The following SCHIP1 variants were observed in gnomAD, a reference collection of about 807,000 sequenced individuals.
The protein encoded by SCHIP1 is schwannomin-interacting protein 1.
SCHIP1 carries 8 observed loss-of-function variants against 29.7 expected under a neutral mutation model. That is an observed-to-expected ratio of 0.27 (90% confidence interval 0.16 to 0.49). The LOEUF is 0.49. Ranked by LOEUF, SCHIP1 falls within the 20% of genes least tolerant of loss-of-function variation. The probability of loss-of-function intolerance (pLI) is 0.99; values close to 1 mark genes in which losing one functional copy is unlikely to be tolerated. For missense variants in SCHIP1, 193 were observed against 294.6 expected, an observed-to-expected ratio of 0.66 and a Z score of 2.52; for synonymous variants, 76 against 94.9, an observed-to-expected ratio of 0.80 and a Z score of 1.16.
the SCHIP1 span, among the ~76,000 whole-genome samples, chr3:159,717,050 G>A: frequency 4.6e-5 from 7 of 152,202 alleles, no homozygotes; most frequent in East Asian, 5.8e-4. Flanking sequence ...TCAGACCACA[G>A]TGCAATCAAA....
At chr3:159,596,401 A>G in the SCHIP1 span, among the ~76,000 whole-genome samples, 39 of 152,292 alleles carry the variant, frequency 2.6e-4, no homozygotes, top group African/African-American at 9.4e-4. Flanking sequence ...CGATTCCTCA[A>G]GGTTCTAGAA....
At chr3:159,413,741 C>A in the SCHIP1 span, among the ~76,000 whole-genome samples, 2 of 152,192 alleles carry the variant, frequency 1.3e-5, no homozygotes, top group African/African-American at 4.8e-5. Context: ...GCTCTTCCAA[C>A]TCTAAAATCC....
At chr3:159,653,144 T>C in the SCHIP1 span, among the ~76,000 whole-genome samples, 1 of 152,084 alleles carries the variant, frequency 6.6e-6, no homozygotes. Flanking sequence ...TTGGTGGGAG[T>C]ATAAATTAGT....
chr3:159,555,429 T>C, the SCHIP1 span, among the ~76,000 whole-genome samples: 1 of 152,246 alleles, frequency 6.6e-6, no homozygotes, highest in Non-Finnish European at 1.5e-5. Flanking sequence ...TGAAAGCATC[T>C]ACTTCTTAAA....
the SCHIP1 span, among the ~76,000 whole-genome samples, chr3:159,828,432 T>A: frequency 1.6e-5 from 1 of 61,568 alleles, no homozygotes; most frequent in Non-Finnish European, 3.4e-5. Flanking sequence ...TATATATACG[T>A]ATATATACGT....
At chr3:159,628,716 T>C in the SCHIP1 span, among the ~76,000 whole-genome samples, 1 of 152,104 alleles carries the variant, frequency 6.6e-6, no homozygotes, top group Non-Finnish European at 1.5e-5. Flanking sequence ...ACATAGCTAT[T>C]AACAGGCATT....
chr3:159,617,571 G>T, the SCHIP1 span, among the ~76,000 whole-genome samples: 2 of 152,102 alleles, frequency 1.3e-5, no homozygotes, highest in African/African-American at 4.8e-5. Flanking sequence ...CTACCTGGGA[G>T]ATTTTATCTG....
the SCHIP1 span, among the ~76,000 whole-genome samples, chr3:159,828,010 T>A: frequency 6.6e-6 from 1 of 151,962 alleles, no homozygotes; most frequent in Admixed American, 6.6e-5. Flanking sequence ...AGACCTTCAA[T>A]TGAAATCTAA....
At chr3:159,641,481 G>A in the SCHIP1 span, among the ~76,000 whole-genome samples, 4 of 152,220 alleles carry the variant, frequency 2.6e-5, no homozygotes, top group African/African-American at 9.6e-5. Flanking sequence ...ATTTCATGGA[G>A]ATGAGTTTAA....
the SCHIP1 span, among the ~76,000 whole-genome samples, chr3:159,789,756 C>T: frequency 6.6e-6 from 1 of 152,168 alleles, no homozygotes; most frequent in Admixed American, 6.5e-5. Context: ...ATTTTGTTAT[C>T]ATAAGAAAGA....
upstream of SCHIP1, among the ~76,000 whole-genome samples, chr3:159,837,319 TG>T (rs1371509234): frequency 4.6e-5 from 7 of 152,236 alleles, no homozygotes; most frequent in African/African-American, 1.4e-4. Context: ...AGAGCTGTTC[TG>T]TCTTGGAAAG....
At chr3:159,783,211 C>A in the SCHIP1 span, among the ~76,000 whole-genome samples, 1 of 152,142 alleles carries the variant, frequency 6.6e-6, no homozygotes, top group African/African-American at 2.4e-5. Flanking sequence ...CAAACAAACA[C>A]CAAGGTTGGT....
the SCHIP1 span, among the ~76,000 whole-genome samples, chr3:159,817,302 G>A: frequency 6.6e-6 from 1 of 152,128 alleles, no homozygotes; most frequent in South Asian, 2.1e-4. Context: ...CAAGCAATGG[G>A]GTGGGGTGGC....
At chr3:159,332,360 G>A in the SCHIP1 span, among the ~76,000 whole-genome samples, 1 of 152,088 alleles carries the variant, frequency 6.6e-6, no homozygotes, top group Non-Finnish European at 1.5e-5. Context: ...GCTCAAGATC[G>A]CAGACCTAAT....
At chr3:159,533,893 A>G in the SCHIP1 span, among the ~76,000 whole-genome samples, 4 of 152,288 alleles carry the variant, frequency 2.6e-5, no homozygotes, top group South Asian at 6.2e-4. Context: ...GAGAAGGTAC[A>G]CTGGAATACT....
chr3:159,432,817 G>T, the SCHIP1 span, among the ~76,000 whole-genome samples: 1 of 152,120 alleles, frequency 6.6e-6, no homozygotes, highest in Non-Finnish European at 1.5e-5. Context: ...GGAAAGGGAG[G>T]GAGCGGATGC....
the SCHIP1 span, among the ~76,000 whole-genome samples, chr3:159,697,755 TA>T: frequency 3.0e-3 from 447 of 148,054 alleles, 1 homozygote; most frequent in African/African-American, 9.3e-3. Context: ...ATGGATAATC[TA>T]AAAAAAAAAG....
the SCHIP1 span, among the ~76,000 whole-genome samples, chr3:159,666,060 C>T: frequency 6.6e-6 from 1 of 152,132 alleles, no homozygotes; most frequent in East Asian, 1.9e-4. Flanking sequence ...GGAAAAGGAG[C>T]AATGGAACAC....
chr3:159,458,668 GA>G, the SCHIP1 span, among the ~76,000 whole-genome samples: 10 of 151,718 alleles, frequency 6.6e-5, no homozygotes, highest in African/African-American at 2.4e-4. Context: ...TACCTTCAGT[GA>G]AAAACACATG....
Sources: allele counts gnomAD v4.1 joint callset (sites outside exome capture counted in the v4.1 genomes callset), GRCh38; gene constraint gnomAD v4.1.1; transcripts MANE v1.5; gene names NCBI Gene and HGNC (gene_info 2026-07-23, HGNC 2026-07-21).